Variants in OTOP3 observed in about 807,000 individuals in gnomAD.
The protein encoded by OTOP3 is proton channel OTOP3.
OTOP3 carries 41 observed loss-of-function variants against 50.8 expected under a neutral mutation model. The ratio of observed to expected loss-of-function variants is 0.81; its 90% confidence interval spans 0.63 to 1.05. The LOEUF is 1.05. Ranked by LOEUF, OTOP3 falls within the 50% of genes least tolerant of loss-of-function variation. OTOP3 has a pLI of 0.00. For missense variants in OTOP3, 788 were observed against 760.8 expected (o/e 1.04, Z -0.42); for synonymous variants, 320 against 324.4 (o/e 0.99, Z 0.14).
chr17:74,936,865 G>C (rs2144775817), intron 1 of OTOP3, among the ~76,000 whole-genome samples: 1 of 152,072 alleles, frequency 6.6e-6, no homozygotes, highest in South Asian at 2.1e-4. Flanking sequence ...CCAGGTGCCA[G>C]GCATTGCCGG....
intron 5 of OTOP3, among the ~76,000 whole-genome samples, chr17:74,945,215 CA>C (rs893204054): frequency 6.6e-6 from 1 of 152,172 alleles, no homozygotes; most frequent in African/African-American, 2.4e-5. Context: ...CTCAGCTTCC[CA>C]AAGTGCTGGG....
intron 1 of OTOP3, among the ~76,000 whole-genome samples, chr17:74,941,087 G>A (rs2039166794): frequency 6.6e-6 from 1 of 152,202 alleles, no homozygotes; most frequent in South Asian, 2.1e-4. Context: ...CTAGGCAGAC[G>A]CTGACTTTAG....
chr17:74,940,639 G>C (rs2039162940), intron 1 of OTOP3, among the ~76,000 whole-genome samples: 1 of 152,118 alleles, frequency 6.6e-6, no homozygotes, highest in African/African-American at 2.4e-5. Flanking sequence ...ACATGTGAGG[G>C]ATCTAGGGGT....
chr17:74,943,160 C>A, intron 3 of OTOP3, 126 bp from the exon 4 acceptor site: 2 of 851,374 alleles, frequency 2.3e-6, no homozygotes, highest in Non-Finnish European at 4.0e-6. Flanking sequence ...AGCAGTAGAG[C>A]CAAGATTCCG....
In OTOP3 at chr17:74,949,794, C is replaced by T. The variant is rs1288484741; in HGVS notation, c.*378C>T. ...GAGGGGCACCCCTCTCCAGCCAGGA[C>T]TCAGAGGTCTGCCCCCTGCTGCGAG... On this transcript the variant is annotated 3_prime_UTR_variant, in exon 7 of 7. Coordinates refer to ENST00000328801, the MANE Select transcript of OTOP3 (RefSeq NM_001272005.2). 1 of 186,218 alleles carries T rather than the reference C, an allele frequency of 5.4e-6. No individual in the cohort carries two copies. Among genetic ancestry groups the T allele is most frequent in the Non-Finnish European group, 1.1e-5 (1 of 90,592 alleles). 11.5% of individuals were successfully genotyped at this position (186,218 alleles called of 1,614,324 possible).
intron 1 of OTOP3, among the ~76,000 whole-genome samples, chr17:74,939,050 T>G (rs2039145998): frequency 6.6e-6 from 1 of 151,634 alleles, no homozygotes; most frequent in South Asian, 2.1e-4. Context: ...GGCACATGCC[T>G]GTAGTCCCAA....
intron 3 of OTOP3, among the ~76,000 whole-genome samples, chr17:74,942,944 A>C (rs911822019): frequency 7.9e-5 from 12 of 152,142 alleles, no homozygotes; most frequent in African/African-American, 2.9e-4. Flanking sequence ...GACTCCAAAA[A>C]ACAAAAAAGA....
chr17:74,943,901 G>T (rs1400860375), intron 5 of OTOP3, among the ~76,000 whole-genome samples, 177 bp downstream of exon 5: 3 of 152,034 alleles, frequency 2.0e-5, no homozygotes, highest in African/African-American at 4.8e-5. Flanking sequence ...GTTTGCCAGT[G>T]GTCCCCATCC....
At chr17:74,943,531 C>T (rs1041842258) in intron 4 of OTOP3, 75 bp from the exon 5 acceptor site, 1 of 1,480,492 alleles carries the variant, frequency 6.8e-7, no homozygotes, top group African/African-American at 1.4e-5. Context: ...GTTGCCCCAA[C>T]AACAGTGGAT....
intron 1 of OTOP3, among the ~76,000 whole-genome samples, chr17:74,940,088 T>TACACACAC (rs35662550): frequency 8.1e-4 from 99 of 122,346 alleles, no homozygotes; most frequent in African/African-American, 3.1e-3. Flanking sequence ...ATATATATTA[T>TACACACAC]ACACACACAC....
intron 1 of OTOP3, 75 bp downstream of exon 1, chr17:74,936,015 A>C: frequency 2.0e-5 from 30 of 1,505,280 alleles, no homozygotes; most frequent in East Asian, 2.5e-5. Flanking sequence ...CACCCCCCCA[A>C]AAGGGGGGTT....
chr17:74,941,448 C>G lies in OTOP3; in HGVS notation c.75C>G (p.Ala25=). 1 of 1,591,740 alleles carries G rather than the reference C, an allele frequency of 6.3e-7. No individual in the cohort carries two copies. Among genetic ancestry groups the G allele is most frequent in the Non-Finnish European group, 8.6e-7 (1 of 1,168,162 alleles). Residue 25 remains alanine, a synonymous_variant, in exon 2 of 7, where the codon GCC becomes GCG. Transcript: ENST00000328801. ...CAGAAGCACAGGAGACTGAAGCAGC[C>G]CCGGAGAAGGAGAACCGAGTGGATG... The part of the protein sequence containing the change: ...PSSEAQETEA[A]PEKENRVDVG...
Position 74,946,921 on chromosome 17 carries a change from G to T in OTOP3, c.1012G>T (p.Val338Leu). 6 of 1,612,472 alleles carry T rather than the reference G, an allele frequency of 3.7e-6. No individual in the cohort carries two copies. The highest frequency in any genetic ancestry group is 5.1e-6 in the Non-Finnish European group (6 of 1,179,946). ...LVLLAGVCVF[V>L]LFQIEASGPA... ...GCTGCTGGCAGGTGTGTGCGTCTTT[G>T]TGCTCTTCCAAATCGAGGCCAGTGG... Residue 338 changes from valine (V) to leucine (L), a missense_variant, in exon 6 of 7, where the codon GTG (valine) becomes TTG (leucine). Physicochemically the swap from Val to Leu is conservative, Grantham distance 32 (BLOSUM62 1). Transcript: ENST00000328801.
chr17:74,939,218 A>G (rs2039147788), intron 1 of OTOP3, among the ~76,000 whole-genome samples: 1 of 152,148 alleles, frequency 6.6e-6, no homozygotes, highest in African/African-American at 2.4e-5. Context: ...GTGAGCTGGA[A>G]TGAACAAGCC....
intron 1 of OTOP3, among the ~76,000 whole-genome samples, chr17:74,939,199 G>C (rs1420267463): frequency 6.6e-6 from 1 of 151,962 alleles, no homozygotes; most frequent in African/African-American, 2.4e-5. Context: ...AAAAATCTAA[G>C]AGCAACTTGT....
At chr17:74,937,091 T>C (rs139045749) in intron 1 of OTOP3, among the ~76,000 whole-genome samples, 754 of 150,808 alleles carry the variant, frequency 5.0e-3, no homozygotes, top group African/African-American at 0.017. Context: ...GCCTCCCGAG[T>C]AGCTGGGACT....
At position 74,936,961 on chromosome 17, in the gene OTOP3, C is replaced by CTCTT. The variant is rs2039124149; in HGVS notation, c.19+1022_19+1023insCTTT. Reference sequence around the variant, plus strand: ...ATTCGGCATTCATCACCCCCCCACCCTTTTTTTTTTTTTTTTTTTGAGACA... The same window carrying CTCTT: ...ATTCGGCATTCATCACCCCCCCACCCTCTTTTTTTTTTTTTTTTTTTTTGAGACA... On this transcript the variant is annotated intron_variant, in intron 1 of 6. Coordinates refer to ENST00000328801, the MANE Select transcript of OTOP3 (RefSeq NM_001272005.2). 2.0e-5 allele frequency among the ~76,000 whole-genome samples: 2 copies of CTCTT among 101,308 alleles called. 1 individual carries two copies. Among genetic ancestry groups the CTCTT allele is most frequent in the African/African-American group, 7.1e-5 (2 of 28,082 alleles). The allele number at this position is 101,308 out of a possible 152,430, so 66.5% of individuals were successfully genotyped here. A position where few individuals can be genotyped will look rare whatever the true frequency, so the allele number is the denominator to read the frequency against.
chr17:74,941,279 A>T (rs1598603377), intron 1 of OTOP3, 114 bp from the exon 2 acceptor site: 1 of 871,042 alleles, frequency 1.1e-6, no homozygotes. Context: ...TGTCCCAACC[A>T]CCCAACCAGA....
At position 74,947,292 on chromosome 17, in the gene OTOP3, G is replaced by T; in HGVS notation, c.1383G>T (p.Glu461Asp). ...GCCTGCACCGGCGCCCACTCTGGGA[G>T]ACAGTTCCCGAGGGCCTGGCAGGAA... The part of the protein sequence containing the change: ...IEGLHRRPLW[E>D]TVPEGLAGKQ... Residue 461 changes from glutamate to aspartate, a missense_variant, in exon 6 of 7, where the codon GAG becomes GAT. Glu to Asp is a conservative substitution (Grantham distance 45, BLOSUM62 2). Transcript: ENST00000328801. 1 of 1,613,496 alleles carries T rather than the reference G, an allele frequency of 6.2e-7. No individual in the cohort carries two copies. The highest frequency in any genetic ancestry group is 8.5e-7 in the Non-Finnish European group (1 of 1,179,846).
Sources: gnomAD v4.1 joint callset for allele counts (sites outside exome capture counted in the v4.1 genomes callset) on GRCh38, gnomAD v4.1.1 for gene constraint, MANE v1.5 for transcripts, NCBI Gene and HGNC (gene_info 2026-07-23, HGNC 2026-07-21) for gene names.